CATSPERB: variants seen among roughly 807,000 people sequenced by gnomAD.
CATSPERB encodes cation channel sperm-associated auxiliary subunit beta.
CATSPERB carries 93 observed loss-of-function variants against 128.3 expected under a neutral mutation model. The observed-to-expected ratio is 0.72, with a 90% CI of 0.61 to 0.86. The LOEUF is 0.86. Among genes scored for constraint, CATSPERB ranks in the 40% least tolerant of loss-of-function variants. The probability of loss-of-function intolerance (pLI) is 0.00; values close to 1 mark genes in which losing one functional copy is unlikely to be tolerated. For missense variants in CATSPERB, 1,153 were observed against 1,329.5 expected (o/e 0.87, Z 2.06); for synonymous variants, 381 against 448.8 (o/e 0.85, Z 1.91).
chr14:91,698,970 C>A (rs1398457115), intron 7 of CATSPERB, among the ~76,000 whole-genome samples: 1 of 152,182 alleles, frequency 6.6e-6, no homozygotes, highest in Non-Finnish European at 1.5e-5. Flanking sequence ...GTTTTCCAAT[C>A]CTGTGTTACT....
chr14:91,662,102 A>G (rs999789365), intron 14 of CATSPERB, among the ~76,000 whole-genome samples: 1 of 151,898 alleles, frequency 6.6e-6, no homozygotes, highest in African/African-American at 2.4e-5. Flanking sequence ...TGAACTGAAA[A>G]CCTATGAATC....
At chr14:91,674,514 T>C (rs1247186989) in intron 11 of CATSPERB, among the ~76,000 whole-genome samples, 1 of 152,210 alleles carries the variant, frequency 6.6e-6, no homozygotes, top group East Asian at 1.9e-4. Context: ...TATATTTTGT[T>C]CTAGTTTTAT....
At position 91,617,701 on chromosome 14, in the gene CATSPERB, A is replaced by G. The variant is rs1345540092; in HGVS notation, c.2296T>C (p.Phe766Leu). The change falls in exon 20 of 27, where the codon TTT becomes CTT. Residue 766 changes from phenylalanine (F) to leucine (L), a missense_variant. Coordinates refer to ENST00000256343, the MANE Select transcript of CATSPERB (RefSeq NM_024764.4). ...TCCAACAAATTAGGGTTTCCAACAA[A>G]CACAGTCAGTAGTGGTATTTCAAGC... ...RMLEIPLLTV[F>L]VGNPNLLEVT... The G allele has an allele frequency of 6.2e-7, 1 of 1,604,290 alleles. No homozygotes were observed. The highest frequency in any genetic ancestry group is 2.3e-5 in the East Asian group (1 of 43,984).
At chr14:91,678,291 G>T (rs1318077655) in intron 11 of CATSPERB, among the ~76,000 whole-genome samples, 1 of 152,108 alleles carries the variant, frequency 6.6e-6, no homozygotes, top group Non-Finnish European at 1.5e-5. Flanking sequence ...CCAAATTTTG[G>T]TCCATTGCCT....
chr14:91,702,744 T>C (rs1895673193), intron 7 of CATSPERB, among the ~76,000 whole-genome samples: 1 of 151,608 alleles, frequency 6.6e-6, no homozygotes, highest in Admixed American at 6.6e-5. Context: ...TGGAATCATA[T>C]TGAATTGATA....
intron 15 of CATSPERB, among the ~76,000 whole-genome samples, chr14:91,652,645 TGAGCAACA>T (rs1894724293): frequency 8.5e-6 from 1 of 117,050 alleles, no homozygotes; most frequent in African/African-American, 3.4e-5. Flanking sequence ...CACCCCAGTC[TGAGCAACA>T]GAGCAAGACT....
intron 17 of CATSPERB, among the ~76,000 whole-genome samples, chr14:91,632,076 C>T (rs978347352): frequency 4.0e-5 from 6 of 151,560 alleles, no homozygotes; most frequent in African/African-American, 1.5e-4. Flanking sequence ...ATAGAAAGTA[C>T]AAAAGAAGAT....
At chr14:91,653,427 G>A (rs1308556699) in intron 15 of CATSPERB, among the ~76,000 whole-genome samples, 1 of 152,166 alleles carries the variant, frequency 6.6e-6, no homozygotes, top group African/African-American at 2.4e-5. Context: ...CTTCTAACAA[G>A]TAAGAAGGTG....
intron 18 of CATSPERB, among the ~76,000 whole-genome samples, chr14:91,622,614 T>C (rs759076461): frequency 5.3e-5 from 8 of 152,172 alleles, no homozygotes; most frequent in Non-Finnish European, 8.8e-5. Context: ...ACTCTCTTAC[T>C]CTAAAATAAA....
chr14:91,683,898 C>A lies in CATSPERB; in HGVS notation c.910G>T (p.Ala304Ser). 6.2e-7 allele frequency: 1 copy of A among 1,606,658 alleles called. No individual in the cohort carries two copies. Among genetic ancestry groups the A allele is most frequent in the Non-Finnish European group, 8.5e-7 (1 of 1,176,960 alleles). Reference sequence around the variant, plus strand: ...TTACCTTCAAAGTGCTCTCTGTTAGCAAAACATCTTTCATTATACCACAGT... The same window carrying A: ...TTACCTTCAAAGTGCTCTCTGTTAGAAAAACATCTTTCATTATACCACAGT... Reference protein sequence around the residue: ...GKLWYNERCFANREHFEVDYV... With the variant: ...GKLWYNERCFSNREHFEVDYV... Residue 304 changes from alanine (A) to serine (S), a missense_variant, in exon 11 of 27, where the codon GCT (alanine) becomes TCT (serine). Ala to Ser is a moderately conservative substitution (Grantham distance 99). Coordinates refer to ENST00000256343, the MANE Select transcript of CATSPERB (RefSeq NM_024764.4).
chr14:91,636,390 A>G (rs754811897), intron 17 of CATSPERB, 35 bp downstream of exon 17: 2 of 1,592,584 alleles, frequency 1.3e-6, no homozygotes, highest in South Asian at 1.1e-5. Flanking sequence ...GATTCTAGAA[A>G]CCAATATGCC....
intron 7 of CATSPERB, among the ~76,000 whole-genome samples, chr14:91,695,778 TAGAG>T (rs1265044167): frequency 3.3e-5 from 5 of 152,234 alleles, no homozygotes; most frequent in East Asian, 3.9e-4. Flanking sequence ...AGAATGGAAA[TAGAG>T]AGACCACTTA....
At chr14:91,684,773 C>A (rs1230859320) in intron 10 of CATSPERB, among the ~76,000 whole-genome samples, 1 of 151,964 alleles carries the variant, frequency 6.6e-6, no homozygotes, top group Non-Finnish European at 1.5e-5. Flanking sequence ...CGCCACCACG[C>A]CTGGCTAATT....
intron 5 of CATSPERB, chr14:91,710,555 C>T (rs1895821122): frequency 6.6e-6 from 1 of 152,138 alleles, no homozygotes; most frequent in Non-Finnish European, 1.5e-5. Context: ...CAAAACTACA[C>T]CTGATGATTG....
intron 10 of CATSPERB, among the ~76,000 whole-genome samples, chr14:91,684,438 G>A (rs1895339872): frequency 6.6e-6 from 1 of 152,156 alleles, no homozygotes; most frequent in South Asian, 2.1e-4. Context: ...AAATGCAACA[G>A]TTTGAGATTA....
At chr14:91,713,245 G>T (rs1895872051) in intron 5 of CATSPERB, among the ~76,000 whole-genome samples, 1 of 151,054 alleles carries the variant, frequency 6.6e-6, no homozygotes, top group African/African-American at 2.4e-5. Context: ...TCAGTACTTT[G>T]CTGACCCCTG....
chr14:91,619,738 A>G (rs1373116037), intron 19 of CATSPERB, among the ~76,000 whole-genome samples: 1 of 152,006 alleles, frequency 6.6e-6, no homozygotes, highest in Non-Finnish European at 1.5e-5. Flanking sequence ...ACATAGTTTT[A>G]AAGTTCTTTT....
At chr14:91,681,609 C>T (rs1028872813) in intron 11 of CATSPERB, among the ~76,000 whole-genome samples, 1 of 152,192 alleles carries the variant, frequency 6.6e-6, no homozygotes, top group African/African-American at 2.4e-5. Flanking sequence ...ATACATACAC[C>T]AGTTAGGACA....
intron 17 of CATSPERB, among the ~76,000 whole-genome samples, chr14:91,631,493 G>A (rs1159322510): frequency 5.9e-5 from 9 of 151,988 alleles, no homozygotes; most frequent in African/African-American, 9.7e-5. Flanking sequence ...GTGAAACCCC[G>A]TCTCTACTAA....
Sources: gnomAD v4.1 joint callset for allele counts (sites outside exome capture counted in the v4.1 genomes callset) on GRCh38, gnomAD v4.1.1 for gene constraint, MANE v1.5 for transcripts, NCBI Gene and HGNC (gene_info 2026-07-23, HGNC 2026-07-21) for gene names.